The following CDH11 variants were observed in gnomAD, a reference collection of about 807,000 sequenced individuals.
CDH11 encodes the protein cadherin 11, also known as cadherin-11.
CDH11 carries 11 observed loss-of-function variants against 67.8 expected under a neutral mutation model. That is an observed-to-expected ratio of 0.16 (90% CI 0.10 to 0.27). The LOEUF (loss-of-function observed/expected upper bound fraction) is 0.27. Ranked by LOEUF, CDH11 falls within the 10% of genes least tolerant of loss-of-function variation. The pLI is 1.00. For synonymous variants in CDH11, 419 were observed against 400.0 expected (o/e 1.05, Z -0.57); for missense variants, 847 against 1,031.2 (o/e 0.82, Z 2.45).
intron 1 of CDH11, among the ~76,000 whole-genome samples, chr16:65,089,427 C>T (rs2074756025): frequency 6.6e-6 from 1 of 152,038 alleles, no homozygotes; most frequent in Admixed American, 6.6e-5. Flanking sequence ...TTATTCTACC[C>T]TCTAATTCAA....
rs1167457457 is a variant in CDH11, at chr16:65,080,248, G to A, written c.-297-26320C>T. ...TTCAACCCCTACTACTGGGCTACTC[G>A]GTATTTTAACATTTTCCTATTATAA... On this transcript the variant is annotated intron_variant, in intron 1 of 12. Coordinates refer to ENST00000268603, the MANE Select transcript of CDH11 (RefSeq NM_001797.4). Among the ~76,000 whole-genome samples, 14 of 150,902 alleles carry A rather than the reference G, an allele frequency of 9.3e-5. No individual in the cohort carries two copies. The South Asian group carries it at 2.1e-3, about 23-fold the overall frequency.
intron 2 of CDH11, among the ~76,000 whole-genome samples, chr16:65,009,987 A>T (rs2073142497): frequency 6.6e-6 from 1 of 152,170 alleles, no homozygotes; most frequent in African/African-American, 2.4e-5. Flanking sequence ...CGGGTGTTTA[A>T]GTATATTTGG....
Position 65,122,021 on chromosome 16 carries a change from C to T in CDH11, c.-439G>A, listed in dbSNP as rs931138213. 2.9e-6 allele frequency: 2 copies of T among 697,696 alleles called. No homozygotes were observed. 43.2% of individuals were successfully genotyped at this position (697,696 alleles called of 1,614,324 possible). ...CGAGCGGCCCCCGCGGCATCTGCTC[C>T]TCGGCCCGCGACGCTCCCCTCAGCT... On this transcript the variant is annotated 5_prime_UTR_variant, in exon 1 of 13. Coordinates refer to ENST00000268603, the MANE Select transcript of CDH11 (RefSeq NM_001797.4).
intron 10 of CDH11, 105 bp downstream of exon 10, chr16:64,971,826 G>C (rs1385965133): frequency 6.9e-6 from 10 of 1,448,032 alleles, no homozygotes; most frequent in Non-Finnish European, 9.7e-6. Context: ...CTATGGCTCT[G>C]AAACCTTTTT....
At chr16:65,095,280 G>C (rs2074869453) in intron 1 of CDH11, among the ~76,000 whole-genome samples, 1 of 152,098 alleles carries the variant, frequency 6.6e-6, no homozygotes. Flanking sequence ...AGCTGGATAG[G>C]TGGGTATGGC....
intron 12 of CDH11, chr16:64,948,566 A>T: frequency 7.0e-7 from 1 of 1,427,124 alleles, no homozygotes; most frequent in Non-Finnish European, 9.8e-7. Flanking sequence ...CCAATGTCTG[A>T]GAAAGAGTAT....
intron 11 of CDH11, among the ~76,000 whole-genome samples, chr16:64,954,895 G>C (rs1199740996): frequency 6.6e-6 from 1 of 151,048 alleles, no homozygotes; most frequent in Non-Finnish European, 1.5e-5. Flanking sequence ...CTTGAGGCCA[G>C]GAGTTCAAGA....
Position 65,067,492 on chromosome 16 carries a change from CTCAT to C in CDH11, c.-297-13568_-297-13565del, listed in dbSNP as rs894566035. 4.6e-5 allele frequency among the ~76,000 whole-genome samples: 7 copies of C among 152,310 alleles called. No individual in the cohort carries two copies. The East Asian group carries it at 5.8e-4, about 13-fold the overall frequency. On this transcript the variant is annotated intron_variant, in intron 1 of 12. Transcript: ENST00000268603. Reference sequence around the variant, plus strand: ...CTCAAGAATTTTCTCTTCTTTGTTGCTCATTCATTCATTCATTGTTTTTCCTTTG... The same window carrying C: ...CTCAAGAATTTTCTCTTCTTTGTTGCTCATTCATTCATTGTTTTTCCTTTG...
At chr16:64,964,635 G>A (rs1343529670) in intron 11 of CDH11, among the ~76,000 whole-genome samples, 23 of 151,908 alleles carry the variant, frequency 1.5e-4, no homozygotes, top group Admixed American at 1.4e-3. Context: ...TGCAAGCTCC[G>A]CCTCCCGGGT....
At chr16:65,029,778 T>C (rs897462138) in intron 2 of CDH11, among the ~76,000 whole-genome samples, 1 of 152,200 alleles carries the variant, frequency 6.6e-6, no homozygotes, top group Non-Finnish European at 1.5e-5. Flanking sequence ...GATTTTCTTT[T>C]ATTACCTTTC....
chr16:65,107,320 C>T (rs1259417412), intron 1 of CDH11, among the ~76,000 whole-genome samples: 1 of 152,146 alleles, frequency 6.6e-6, no homozygotes, highest in African/African-American at 2.4e-5. Context: ...TGAGACTGTC[C>T]TGAAGATTGA....
At chr16:64,996,346 C>G (rs2072763736) in intron 4 of CDH11, among the ~76,000 whole-genome samples, 1 of 151,972 alleles carries the variant, frequency 6.6e-6, no homozygotes, top group Admixed American at 6.6e-5. Context: ...AAAAAATTAG[C>G]CAGTGTGGTG....
chr16:65,099,486 T>C (rs2074954618), intron 1 of CDH11, among the ~76,000 whole-genome samples: 1 of 152,164 alleles, frequency 6.6e-6, no homozygotes, highest in Non-Finnish European at 1.5e-5. Flanking sequence ...TAGTCTCAGT[T>C]CTTTGCAGTT....
intron 2 of CDH11, among the ~76,000 whole-genome samples, chr16:65,041,247 A>C (rs1185059163): frequency 6.6e-6 from 1 of 152,206 alleles, no homozygotes; most frequent in Non-Finnish European, 1.5e-5. Flanking sequence ...ACCTCAGCTC[A>C]GAGCTGAACA....
intron 1 of CDH11, among the ~76,000 whole-genome samples, chr16:65,057,408 A>G (rs1341461210): frequency 1.3e-5 from 2 of 152,140 alleles, no homozygotes. Flanking sequence ...TTGGCTGCCC[A>G]CAGCACTAAG....
Position 64,947,795 on chromosome 16 carries a change from C to T in CDH11, c.2199G>A (p.Thr733=), listed in dbSNP as rs776762339. 1.9e-6 allele frequency: 3 copies of T among 1,614,104 alleles called. No individual in the cohort carries two copies. Among genetic ancestry groups the T allele is most frequent in the East Asian group, 2.2e-5 (1 of 44,870 alleles). The change falls in exon 13 of 13, where the codon ACG becomes ACA. Residue 733 remains threonine, a synonymous_variant. Coordinates refer to ENST00000268603, the MANE Select transcript of CDH11 (RefSeq NM_001797.4). The stretch of plus-strand genomic sequence containing the variant: ...TTTGAATGGAGTCATAAGGAGGAGC[C>T]GTGGGGTCATTGTCTGCCTCCTGTA... ...TRIQEADNDP[T]APPYDSIQIY... is the part of the protein sequence containing the mutation.
intron 11 of CDH11, among the ~76,000 whole-genome samples, chr16:64,961,134 G>T (rs1374189481): frequency 2.0e-5 from 3 of 152,040 alleles, no homozygotes; most frequent in African/African-American, 7.2e-5. Context: ...GGAAAGAAGA[G>T]GCTATCATAG....
At chr16:65,077,806 G>A (rs2142788891) in intron 1 of CDH11, among the ~76,000 whole-genome samples, 1 of 152,282 alleles carries the variant, frequency 6.6e-6, no homozygotes, top group East Asian at 1.9e-4. Context: ...TTGCTATTCT[G>A]TTCATCTCTA....
chr16:65,112,227 A>G (rs2075173304), intron 1 of CDH11, among the ~76,000 whole-genome samples: 1 of 152,152 alleles, frequency 6.6e-6, no homozygotes, highest in African/African-American at 2.4e-5. Context: ...CAATGTCTCA[A>G]TGGTTTGCAT....
Sources: gnomAD v4.1 joint callset for allele counts (sites outside exome capture counted in the v4.1 genomes callset) on GRCh38, gnomAD v4.1.1 for gene constraint, MANE v1.5 for transcripts, NCBI Gene and HGNC (gene_info 2026-07-23, HGNC 2026-07-21) for gene names.